Variants in FBN1 observed in about 807,000 individuals in gnomAD.
The protein encoded by FBN1 is fibrillin-1.
FBN1 carries 29 observed loss-of-function variants against 365.1 expected under a neutral mutation model. The observed-to-expected ratio is 0.08, with a 90% confidence interval of 0.06 to 0.11. The LOEUF is 0.11. FBN1 is among the 10% of genes least tolerant of loss of function. FBN1 has a pLI of 1.00. For missense variants in FBN1, 2,476 were observed against 3,703.2 expected (o/e 0.67, Z 8.60); for synonymous variants, 1,210 against 1,270.5 (o/e 0.95, Z 1.01).
intron 32 of FBN1, among the ~76,000 whole-genome samples, chr15:48,478,230 A>G (rs1043960785): frequency 2.6e-5 from 4 of 152,160 alleles, no homozygotes; most frequent in Non-Finnish European, 5.9e-5. Context: ...TTAACTGAAC[A>G]CCCATGGAGT....
At chr15:48,487,569 T>C (rs985203096) in intron 27 of FBN1, 132 bp from the exon 28 acceptor site, 164 of 1,228,586 alleles carry the variant, frequency 1.3e-4, no homozygotes, top group Non-Finnish European at 1.7e-4. Flanking sequence ...TCTCTGGTGC[T>C]ATTCATACAC....
intron 6 of FBN1, among the ~76,000 whole-genome samples, chr15:48,574,944 T>C (rs536642682): frequency 8.8e-4 from 134 of 152,352 alleles, no homozygotes; most frequent in African/African-American, 3.0e-3. Context: ...TAAAATCTAC[T>C]AAAATTCTGA....
In FBN1 at chr15:48,482,351, T is replaced by C. The variant is rs547336081; in HGVS notation, c.3839-571A>G. On this transcript the variant is annotated intron_variant, in intron 31 of 65. Coordinates refer to ENST00000316623, the MANE Select transcript of FBN1 (RefSeq NM_000138.5). ...ACCAGACTCTTGCTTCTGGCCAAGATAGAATAACAGGAATTAAAATTATAT... is the reference window on the plus strand; with the variant it reads ...ACCAGACTCTTGCTTCTGGCCAAGACAGAATAACAGGAATTAAAATTATAT... Among the ~76,000 whole-genome samples the C allele has an allele frequency of 2.5e-3, 374 of 152,270 alleles. 3 individuals are homozygous for C. The highest frequency in any genetic ancestry group is 8.6e-3 in the African/African-American group (358 of 41,552).
intron 2 of FBN1, among the ~76,000 whole-genome samples, chr15:48,640,524 T>A (rs1182749773): frequency 2.0e-5 from 3 of 152,200 alleles, no homozygotes; most frequent in Admixed American, 1.3e-4. Context: ...TTTATTTTAA[T>A]AACAGACTTC....
In FBN1 at chr15:48,596,309, C is replaced by T; in HGVS notation, c.512G>A (p.Gly171Glu). Residue 171 changes from glycine (G) to glutamate (E), a missense_variant, in exon 6 of 66, where the codon GGA becomes GAA. Physicochemically the swap from Gly to Glu is moderately conservative, Grantham distance 98. This residue lies in a region of FBN1 where 421 missense variants were observed against 520.1 expected (regional missense o/e 0.81). Transcript: ENST00000316623. ...TCTTTCACACTGGGGTCCAGTAAAT[C>T]CGTAAGTGCATGCACATCGATTTGG... ...VAPNRCACTY[G>E]FTGPQCERDY... is the part of the protein sequence containing the mutation. 6.2e-7 allele frequency: 1 copy of T among 1,614,040 alleles called. No homozygotes were observed. The highest frequency in any genetic ancestry group is 8.5e-7 in the Non-Finnish European group (1 of 1,179,900).
At chr15:48,615,801 C>G (rs1276544405) in intron 2 of FBN1, among the ~76,000 whole-genome samples, 2 of 152,076 alleles carry the variant, frequency 1.3e-5, no homozygotes, top group Non-Finnish European at 2.9e-5. Context: ...AGCTAAGTCC[C>G]CATCTTTCAA....
intron 25 of FBN1, 30 bp from the exon 26 acceptor site, chr15:48,488,523 T>A: frequency 6.2e-7 from 1 of 1,609,522 alleles, no homozygotes; most frequent in Non-Finnish European, 8.5e-7. Context: ...TGGGGCAAAA[T>A]AAGTTTATGA....
chr15:48,495,255 T>A lies in FBN1; in HGVS notation c.2545A>T (p.Ile849Phe). ...DPTKTICIET[I>F]KGTCWQTVID... ...ACAGTCTGCCAGCAAGTGCCCTTGA[T>A]GGTTTCTGCAGAGGAGGGAATAATA... Residue 849 changes from isoleucine (I) to phenylalanine (F), a missense_variant, in exon 22 of 66, where the codon ATC becomes TTC. Ile to Phe is a conservative substitution (Grantham distance 21). This residue lies in a region of FBN1 where 1,780 missense variants were observed against 2,840.8 expected (regional missense o/e 0.63). Coordinates refer to ENST00000316623, the MANE Select transcript of FBN1 (RefSeq NM_000138.5). 6.2e-7 allele frequency: 1 copy of A among 1,614,108 alleles called. No individual in the cohort carries two copies. The highest frequency in any genetic ancestry group is 8.5e-7 in the Non-Finnish European group (1 of 1,180,024).
chr15:48,422,438 A>G (rs1597514085), intron 60 of FBN1, among the ~76,000 whole-genome samples: 1 of 152,248 alleles, frequency 6.6e-6, no homozygotes, highest in Non-Finnish European at 1.5e-5. Context: ...GAGCTTTGAA[A>G]AGATCTATTT....
At chr15:48,559,761 C>T (rs377044606) in intron 6 of FBN1, among the ~76,000 whole-genome samples, 2 of 152,006 alleles carry the variant, frequency 1.3e-5, no homozygotes, top group Non-Finnish European at 2.9e-5. Context: ...AAGATTAGGA[C>T]GATAGAGGAA....
At chr15:48,481,633 T>C in intron 32 of FBN1, 22 bp downstream of exon 32, 2 of 1,612,772 alleles carry the variant, frequency 1.2e-6, no homozygotes, top group Non-Finnish European at 1.7e-6. Context: ...AATATTTTAT[T>C]GTTCTACTTG....
intron 2 of FBN1, among the ~76,000 whole-genome samples, chr15:48,625,307 A>G (rs1388386286): frequency 1.3e-5 from 2 of 152,206 alleles, no homozygotes; most frequent in African/African-American, 2.4e-5. Flanking sequence ...GAACCTGACC[A>G]CAACTTAAAA....
chr15:48,553,180 A>C (rs1045780526), intron 6 of FBN1, among the ~76,000 whole-genome samples: 3 of 152,184 alleles, frequency 2.0e-5, no homozygotes, highest in Non-Finnish European at 4.4e-5. Flanking sequence ...TATTTTTTAA[A>C]TAATTGAGAT....
At position 48,501,767 on chromosome 15, in the gene FBN1, T is replaced by G. The variant is rs1374492203; in HGVS notation, c.2113+2020A>C. Among the ~76,000 whole-genome samples the G allele has an allele frequency of 2.0e-5, 3 of 152,310 alleles. No individual in the cohort carries two copies. In the East Asian group the frequency reaches 5.8e-4, roughly 29 times the overall value. On this transcript the variant is annotated intron_variant, in intron 17 of 65. Coordinates refer to ENST00000316623, the MANE Select transcript of FBN1 (RefSeq NM_000138.5). ...CTTGTGTGCCAGCTTTCATGATACT[T>G]GTCTGTATTGCAAATTCAAAGTAGG...
chr15:48,437,579 G>T, intron 51 of FBN1, 189 bp downstream of exon 51: 2 of 795,798 alleles, frequency 2.5e-6, no homozygotes, highest in Non-Finnish European at 4.1e-6. Context: ...GGGCATCTGT[G>T]ATTCATGACA....
At position 48,472,548 on chromosome 15, in the gene FBN1, T is replaced by C. The variant is rs2141277819; in HGVS notation, c.4336+3A>G. ...GGCTCCCAGTGGCTTCCCCATCAGTTACCTTCACAGGCTTTCCCGTCAGCA... is the reference window on the plus strand; with the variant it reads ...GGCTCCCAGTGGCTTCCCCATCAGTCACCTTCACAGGCTTTCCCGTCAGCA... On this transcript the variant is annotated splice_donor_region_variant and intron_variant, in intron 35 of 65. Transcript: ENST00000316623. 1 of 1,613,328 alleles carries C rather than the reference T, an allele frequency of 6.2e-7. No homozygotes were observed.
intron 2 of FBN1, among the ~76,000 whole-genome samples, chr15:48,626,291 G>C (rs528482073): frequency 6.6e-6 from 1 of 151,126 alleles, no homozygotes; most frequent in African/African-American, 2.4e-5. Flanking sequence ...ATAATTACTA[G>C]TAAGAAATCA....
rs363849 is a variant in FBN1, at chr15:48,410,933, T to C, written c.*57A>G. On this transcript the variant is annotated 3_prime_UTR_variant, in exon 66 of 66. Transcript: ENST00000316623. ...TGATGATTCTGATTGGGGGAAAATA[T>C]AGTTCTACCTATCTATATTTGTTTT... The C allele has an allele frequency of 5.8e-3, 8,557 of 1,476,940 alleles. 157 individuals are homozygous for C. The African/African-American group carries it at 0.061, about 11-fold the overall frequency. 91.5% of individuals were successfully genotyped at this position (1,476,940 alleles called of 1,614,324 possible).
rs1597549141 is a variant in FBN1 at position 48,468,516 on chromosome 15, T to C, written c.4478A>G (p.Asp1493Gly). 1.2e-6 allele frequency: 2 copies of C among 1,614,112 alleles called. No homozygotes were observed. Among genetic ancestry groups the C allele is most frequent in the Non-Finnish European group, 1.7e-6 (2 of 1,180,002 alleles). ...GTTCCCACTGATGCACGTGGTTGGA[T>C]CCAGGCATTCATTCACATCTAAAAC... ...GNCTDVNECLDPTTCISGNCV... is the reference protein window; with the variant it reads ...GNCTDVNECLGPTTCISGNCV... The change falls in exon 37 of 66, where the codon GAT becomes GGT. Residue 1493 changes from aspartate to glycine, a missense_variant. Physicochemically the swap from Asp to Gly is moderately conservative, Grantham distance 94. Around this residue, in one of 5 missense-constraint regions of FBN1, gnomAD observed 1,780 missense variants for 2,840.8 expected, o/e 0.63. Coordinates refer to ENST00000316623, the MANE Select transcript of FBN1 (RefSeq NM_000138.5).
Sources: allele counts gnomAD v4.1 joint callset (sites outside exome capture counted in the v4.1 genomes callset), GRCh38; gene constraint gnomAD v4.1.1; regional missense constraint gnomAD v4.1.1; transcripts MANE v1.5; gene names NCBI Gene and HGNC (gene_info 2026-07-23, HGNC 2026-07-21).